The following MSRA variants were observed in gnomAD, a reference collection of about 807,000 sequenced individuals.
MSRA encodes the protein mitochondrial peptide methionine sulfoxide reductase.
Under a neutral mutation model 31.3 loss-of-function variants are expected in MSRA, and 54 were observed. The observed-to-expected ratio is 1.73, with a 90% CI of 1.39 to 2.17. The LOEUF is 2.17. MSRA is among the 30% of genes most tolerant of loss of function. MSRA has a pLI of 0.00. For missense variants in MSRA, 507 were observed against 300.9 expected, an observed-to-expected ratio of 1.69 and a Z score of -5.07; for synonymous variants, 169 against 116.5, an observed-to-expected ratio of 1.45 and a Z score of -2.90.
At chr8:10,090,193 AG>A (rs1331842070) in intron 1 of MSRA, among the ~76,000 whole-genome samples, 1 of 152,180 alleles carries the variant, frequency 6.6e-6, no homozygotes, top group Admixed American at 6.5e-5. Flanking sequence ...AGGGCCTGGC[AG>A]TGTGAGTTGG....
intron 2 of MSRA, among the ~76,000 whole-genome samples, chr8:10,242,077 G>C (rs893227885): frequency 3.9e-5 from 6 of 152,168 alleles, no homozygotes; most frequent in African/African-American, 1.2e-4. Context: ...TTCGAGACCA[G>C]CCTGGCCAAC....
intron 1 of MSRA, among the ~76,000 whole-genome samples, chr8:10,185,475 G>T (rs999428296): frequency 5.3e-5 from 8 of 151,386 alleles, no homozygotes; most frequent in Non-Finnish European, 8.8e-5. Flanking sequence ...CAGAGTTAAT[G>T]CCCTGAAGAT....
At chr8:10,096,688 A>ATC in intron 1 of MSRA, among the ~76,000 whole-genome samples, 1 of 152,320 alleles carries the variant, frequency 6.6e-6, no homozygotes, top group Non-Finnish European at 1.5e-5. Flanking sequence ...TGTTTTACTT[A>ATC]GATATATACT....
intron 1 of MSRA, among the ~76,000 whole-genome samples, chr8:10,082,399 C>G (rs1163734256): frequency 6.6e-6 from 1 of 152,108 alleles, no homozygotes; most frequent in Non-Finnish European, 1.5e-5. Context: ...CATTTCACAG[C>G]TTCTCCCTGC....
At chr8:10,382,531 C>T (rs1220601487) in intron 5 of MSRA, among the ~76,000 whole-genome samples, 1 of 152,212 alleles carries the variant, frequency 6.6e-6, no homozygotes. Context: ...TGTCATTCTA[C>T]ACCTGCCTCT....
At chr8:10,227,781 A>G (rs528797657) in intron 2 of MSRA, among the ~76,000 whole-genome samples, 3 of 152,332 alleles carry the variant, frequency 2.0e-5, no homozygotes, top group Non-Finnish European at 4.4e-5. Context: ...TGAAAATATC[A>G]ATCAACCGCT....
At chr8:10,102,388 ATTC>A (rs781049577) in intron 1 of MSRA, among the ~76,000 whole-genome samples, 2 of 152,112 alleles carry the variant, frequency 1.3e-5, no homozygotes, top group African/African-American at 2.4e-5. Context: ...AGATTCACCT[ATTC>A]TTTTCTCTGT....
chr8:10,319,284 T>A (rs1253455946), intron 4 of MSRA, among the ~76,000 whole-genome samples: 2 of 152,214 alleles, frequency 1.3e-5, no homozygotes, highest in African/African-American at 4.8e-5. Context: ...TGTTTCACTC[T>A]GGGGCACTGT....
chr8:10,402,690 G>C (rs934827335), intron 5 of MSRA, among the ~76,000 whole-genome samples: 2 of 152,168 alleles, frequency 1.3e-5, no homozygotes, highest in Non-Finnish European at 2.9e-5. Flanking sequence ...CAGTAGCATT[G>C]GGAAATGCCC....
intron 1 of MSRA, among the ~76,000 whole-genome samples, chr8:10,180,445 G>T (rs1563188505): frequency 6.6e-6 from 1 of 152,130 alleles, no homozygotes; most frequent in East Asian, 1.9e-4. Context: ...ATGTAGGAGT[G>T]ATTGATTAAA....
At chr8:10,127,588 T>A (rs1188874078) in intron 1 of MSRA, among the ~76,000 whole-genome samples, 1 of 152,188 alleles carries the variant, frequency 6.6e-6, no homozygotes, top group East Asian at 1.9e-4. Context: ...GATGATACAT[T>A]AATGTTTTCC....
chr8:10,095,673 T>C (rs1218227671), intron 1 of MSRA: 1 of 1,010,912 alleles, frequency 9.9e-7, no homozygotes, highest in Non-Finnish European at 1.2e-6. Flanking sequence ...GGCTTGAGCT[T>C]CAGGAAAGAA....
In MSRA at chr8:10,054,329, C is replaced by G; in HGVS notation, c.-188C>G. ...AACACGCCCCCGGTGACAGCCGGTA[C>G]GGCCCCGGGTTTGGGCAACCTCGAT... On this transcript the variant is annotated 5_prime_UTR_variant, in exon 1 of 6. Transcript: ENST00000317173. The G allele has an allele frequency of 2.3e-6, 1 of 438,828 alleles. No homozygotes were observed. The highest frequency in any genetic ancestry group is 3.7e-6 in the Non-Finnish European group (1 of 272,144). The allele number at this position is 438,828 out of a possible 1,614,324, so 27.2% of individuals were successfully genotyped here.
intron 5 of MSRA, among the ~76,000 whole-genome samples, chr8:10,348,126 G>C (rs183691346): frequency 6.6e-6 from 1 of 152,264 alleles, no homozygotes; most frequent in African/African-American, 2.4e-5. Flanking sequence ...GAATTCAAAC[G>C]TGCAGTTAAG....
intron 1 of MSRA, among the ~76,000 whole-genome samples, chr8:10,189,174 A>G (rs771629982): frequency 1.2e-4 from 19 of 152,202 alleles, no homozygotes; most frequent in Non-Finnish European, 2.2e-4. Flanking sequence ...ATTTGTTGCT[A>G]CTATGTAAAA....
chr8:10,206,017 A>C (rs1264285197), intron 1 of MSRA, among the ~76,000 whole-genome samples: 1 of 152,212 alleles, frequency 6.6e-6, no homozygotes, highest in Non-Finnish European at 1.5e-5. Context: ...ATACTTTCAT[A>C]GATATTATGT....
chr8:10,348,098 G>T (rs894076101), intron 5 of MSRA, among the ~76,000 whole-genome samples: 1 of 152,200 alleles, frequency 6.6e-6, no homozygotes, highest in Non-Finnish European at 1.5e-5. Context: ...TTCATCCTTA[G>T]ATGGATTTGG....
At chr8:10,079,616 C>T (rs555389721) in intron 1 of MSRA, among the ~76,000 whole-genome samples, 185 of 152,302 alleles carry the variant, frequency 1.2e-3, no homozygotes, top group African/African-American at 4.3e-3. Flanking sequence ...GGATCTCTTT[C>T]CTTCCCCGCA....
At chr8:10,077,641 C>CTAG in intron 1 of MSRA, among the ~76,000 whole-genome samples, 1 of 152,006 alleles carries the variant, frequency 6.6e-6, no homozygotes, top group South Asian at 2.1e-4. Flanking sequence ...TTTTTTATTC[C>CTAG]TAGTTACTTT....
Sources: allele counts gnomAD v4.1 joint callset (sites outside exome capture counted in the v4.1 genomes callset), GRCh38; gene constraint gnomAD v4.1.1; transcripts MANE v1.5; gene names NCBI Gene and HGNC (gene_info 2026-07-23, HGNC 2026-07-21).